KLF13: variants seen among roughly 807,000 people sequenced by gnomAD.
The protein encoded by KLF13 is KLF transcription factor 13.
In KLF13, 8 loss-of-function variants were observed where a neutral mutation model predicts 16.7. That is an observed-to-expected ratio of 0.48 (90% CI 0.28 to 0.87). KLF13 has a LOEUF of 0.87. Among genes scored for constraint, KLF13 ranks in the 40% least tolerant of loss-of-function variants. KLF13 has a pLI of 0.10. For missense variants in KLF13, 447 were observed against 452.2 expected (o/e 0.99, Z 0.10); for synonymous variants, 245 against 208.4 (o/e 1.18, Z -1.51).
chr15:31,413,395 A>G (rs533984107), intron 1 of KLF13, among the ~76,000 whole-genome samples: 11 of 152,284 alleles, frequency 7.2e-5, no homozygotes, highest in African/African-American at 2.6e-4. Context: ...TCCAAACAGG[A>G]TAAATTAGAA....
downstream of KLF13, among the ~76,000 whole-genome samples, chr15:31,379,626 C>T (rs1045725602): frequency 6.6e-6 from 1 of 152,194 alleles, no homozygotes; most frequent in Admixed American, 6.5e-5. Context: ...ATTTTCCCGG[C>T]TTTTGAAGAA....
chr15:31,362,057 C>T, intron 1 of KLF13, among the ~76,000 whole-genome samples: 1 of 152,166 alleles, frequency 6.6e-6, no homozygotes, highest in Admixed American at 6.5e-5. Context: ...ACTTGGCTCT[C>T]CTAGCTGCCA....
At chr15:31,403,784 TTTTTC>T (rs1421395603) in exon 3 of KLF13, 4 of 152,186 alleles carry the variant, frequency 2.6e-5, no homozygotes, top group African/African-American at 9.7e-5. Context: ...ATGTTAGGAT[TTTTTC>T]AACCCATAGT....
Position 31,376,388 on chromosome 15 carries a change from G to A in KLF13, c.*4089G>A, listed in dbSNP as rs1450905668. The A allele has an allele frequency of 1.3e-5, 2 of 152,302 alleles. No homozygotes were observed. Among genetic ancestry groups the A allele is most frequent in the Non-Finnish European group, 2.9e-5 (2 of 68,044 alleles). The allele number at this position is 152,302 out of a possible 1,614,324, so 9.4% of individuals were successfully genotyped here. ...TTTAGTCAAAGACACAGTGCTAGAG[G>A]TTTAAAGGGTGTAATGTGTTGGTCA... is the stretch of plus-strand genomic sequence containing the variant. On this transcript the variant is annotated 3_prime_UTR_variant, in exon 2 of 2. Coordinates refer to ENST00000307145, the MANE Select transcript of KLF13 (RefSeq NM_015995.4).
At chr15:31,405,197 C>T (rs1419166950), downstream of KLF13, among the ~76,000 whole-genome samples, 3 of 152,148 alleles carry the variant, frequency 2.0e-5, no homozygotes, top group African/African-American at 7.2e-5. Flanking sequence ...GCCTGTAATT[C>T]CAGCTACTCT....
chr15:31,423,164 T>TATATATACAC lies in KLF13; in HGVS notation n.118-12206_118-12205insATATATACAC, dbSNP rs371896440. ...GTATACGTATATATACGTATATATA[T>TATATATACAC]GTATATATATACATATATACGTATA... is the stretch of plus-strand genomic sequence containing the variant. On this transcript the variant is annotated intron_variant and non_coding_transcript_variant, in intron 1 of 1. Coordinates refer to the KLF13 transcript ENST00000558225. 5.4e-3 allele frequency among the ~76,000 whole-genome samples: 137 copies of TATATATACAC among 25,374 alleles called. 10 individuals carry two copies. The highest frequency in any genetic ancestry group is 6.2e-3 in the Non-Finnish European group (97 of 15,714). The allele number at this position is 25,374 out of a possible 152,430, so 16.6% of individuals were successfully genotyped here. A position where few individuals can be genotyped will look rare whatever the true frequency, so the allele number is the denominator to read the frequency against.
chr15:31,381,733 C>G (rs1053041499), downstream of KLF13, among the ~76,000 whole-genome samples: 1 of 152,218 alleles, frequency 6.6e-6, no homozygotes, highest in African/African-American at 2.4e-5. Context: ...ATCTCTTCCA[C>G]CTGTGTTTTG....
chr15:31,353,425 C>T (rs909930721), intron 1 of KLF13, among the ~76,000 whole-genome samples: 4 of 45,764 alleles, frequency 8.7e-5, no homozygotes, highest in African/African-American at 2.2e-4. Flanking sequence ...GGGGCCTGGG[C>T]TGGCAAAGTC....
At chr15:31,423,109 A>C (rs1169092670) in intron 1 of KLF13, among the ~76,000 whole-genome samples, 1 of 124,550 alleles carries the variant, frequency 8.0e-6, no homozygotes, top group Non-Finnish European at 1.6e-5. Context: ...ACGTATACGT[A>C]TACGTATATA....
intron 1 of KLF13, among the ~76,000 whole-genome samples, chr15:31,434,796 G>A (rs1354539513): frequency 2.0e-5 from 3 of 152,196 alleles, no homozygotes; most frequent in Non-Finnish European, 4.4e-5. Context: ...ACAGCCCCCC[G>A]TCAATGCCGG....
chr15:31,406,599 C>A (rs1364194469), downstream of KLF13, among the ~76,000 whole-genome samples: 1 of 152,186 alleles, frequency 6.6e-6, no homozygotes, highest in Admixed American at 6.5e-5. Flanking sequence ...AATAACCACA[C>A]ACTTAATGGC....
Position 31,372,593 on chromosome 15 carries a change from G to T in KLF13, c.*294G>T. On this transcript the variant is annotated 3_prime_UTR_variant, in exon 2 of 2. Transcript: ENST00000307145. ...GAGGTCAGTGAGGACACCCCTTCCT[G>T]CCGCCTTACTCTGTACATAGATTTG... 2.3e-6 allele frequency: 1 copy of T among 435,194 alleles called. No individual in the cohort carries two copies. The highest frequency in any genetic ancestry group is 4.0e-6 in the Non-Finnish European group (1 of 247,320). 27.0% of individuals were successfully genotyped at this position (435,194 alleles called of 1,614,324 possible). A position where few individuals can be genotyped will look rare whatever the true frequency, so the allele number is the denominator to read the frequency against.
chr15:31,412,441 T>C (rs1197020309), intron 1 of KLF13, among the ~76,000 whole-genome samples: 2 of 152,002 alleles, frequency 1.3e-5, no homozygotes, highest in African/African-American at 4.8e-5. Flanking sequence ...ATGACATGAT[T>C]GTACATGCGG....
chr15:31,330,269 T>A (rs60877973), intron 1 of KLF13, among the ~76,000 whole-genome samples: 8,688 of 152,232 alleles, frequency 0.057, 842 homozygotes, highest in African/African-American at 0.2. Flanking sequence ...TCTAGCAGCA[T>A]TGTGGGGTCT....
chr15:31,432,792 G>T (rs1489830284), intron 1 of KLF13, among the ~76,000 whole-genome samples: 2 of 152,076 alleles, frequency 1.3e-5, no homozygotes, highest in Admixed American at 1.3e-4. Context: ...ATTTTACCAT[G>T]CTGGATGCTG....
intron 1 of KLF13, among the ~76,000 whole-genome samples, chr15:31,431,735 A>G (rs1420780508): frequency 6.6e-6 from 1 of 152,218 alleles, no homozygotes; most frequent in African/African-American, 2.4e-5. Flanking sequence ...AAGTGCTGGG[A>G]TTACAGGCGT....
At chr15:31,345,442 G>A (rs758519010) in intron 1 of KLF13, among the ~76,000 whole-genome samples, 4 of 152,182 alleles carry the variant, frequency 2.6e-5, no homozygotes, top group South Asian at 2.1e-4. Flanking sequence ...TTTCCCATTC[G>A]GGCACCTGCC....
intron 2 of KLF13, among the ~76,000 whole-genome samples, chr15:31,399,713 C>T (rs2040007595): frequency 6.6e-6 from 1 of 152,196 alleles, no homozygotes; most frequent in Non-Finnish European, 1.5e-5. Context: ...GGTGGATGTG[C>T]CAGGGTGGGG....
At chr15:31,404,223 G>A (rs1233235233) in exon 3 of KLF13, 2 of 152,242 alleles carry the variant, frequency 1.3e-5, no homozygotes, top group African/African-American at 4.8e-5. Context: ...AAAGCAGAGG[G>A]CACTGGAGCC....
Sources: gnomAD v4.1 joint callset for allele counts (sites outside exome capture counted in the v4.1 genomes callset) on GRCh38, gnomAD v4.1.1 for gene constraint, MANE v1.5 for transcripts, NCBI Gene and HGNC (gene_info 2026-07-23, HGNC 2026-07-21) for gene names.